CNTN4: variants seen among roughly 807,000 people sequenced by gnomAD.
The protein encoded by CNTN4 is contactin 4, also known as contactin-4.
CNTN4 carries 77 observed loss-of-function variants against 122.5 expected under a neutral mutation model. That is an observed-to-expected ratio of 0.63 (90% CI 0.52 to 0.76). The LOEUF (loss-of-function observed/expected upper bound fraction) is 0.76, where lower values mean the gene tolerates loss of function less well. CNTN4 is among the 30% of genes least tolerant of loss of function. The probability of loss-of-function intolerance (pLI) is 0.00; values close to 1 mark genes in which losing one functional copy is unlikely to be tolerated. For synonymous variants in CNTN4, 512 were observed against 447.0 expected (o/e 1.15, Z -1.83); for missense variants, 1,256 against 1,259.1 (o/e 1.00, Z 0.04).
chr3:2,297,240 A>G (rs1279932340), intron 2 of CNTN4, among the ~76,000 whole-genome samples: 1 of 152,198 alleles, frequency 6.6e-6, no homozygotes, highest in Non-Finnish European at 1.5e-5. Context: ...AATGCACAGA[A>G]AGCTTCGTAA....
intron 3 of CNTN4, among the ~76,000 whole-genome samples, chr3:2,383,894 C>G (rs2046131549): frequency 6.6e-6 from 1 of 151,890 alleles, no homozygotes; most frequent in Admixed American, 6.6e-5. Context: ...TCTAATAAAC[C>G]CATTGTAAAG....
chr3:2,800,588 C>G (rs2092324311), intron 6 of CNTN4, among the ~76,000 whole-genome samples: 1 of 152,138 alleles, frequency 6.6e-6, no homozygotes, highest in African/African-American at 2.4e-5. Flanking sequence ...AGCAATCATT[C>G]TGGTTGAAGA....
chr3:2,644,662 C>A (rs761041281), intron 4 of CNTN4, among the ~76,000 whole-genome samples: 61 of 150,414 alleles, frequency 4.1e-4, no homozygotes, highest in Non-Finnish European at 1.0e-4. Context: ...TCACCATGCC[C>A]TATAGGGTCT....
chr3:2,599,852 A>G (rs182341588), intron 4 of CNTN4, among the ~76,000 whole-genome samples: 114 of 152,214 alleles, frequency 7.5e-4, no homozygotes, highest in Middle Eastern at 3.4e-3. Flanking sequence ...GAATTGGATG[A>G]GGTTTTATGT....
intron 4 of CNTN4, among the ~76,000 whole-genome samples, chr3:2,690,626 G>A (rs1448970420): frequency 6.6e-6 from 1 of 152,078 alleles, no homozygotes; most frequent in Non-Finnish European, 1.5e-5. Context: ...GACAAAGCTT[G>A]TCTGCCTTAC....
intron 2 of CNTN4, among the ~76,000 whole-genome samples, chr3:2,333,979 A>G (rs1024375256): frequency 2.0e-5 from 3 of 152,200 alleles, no homozygotes; most frequent in African/African-American, 7.2e-5. Flanking sequence ...AAGTTAAGCA[A>G]AACAGGAGAA....
intron 6 of CNTN4, among the ~76,000 whole-genome samples, chr3:2,784,833 C>T (rs780181468): frequency 6.6e-6 from 1 of 152,136 alleles, no homozygotes; most frequent in Non-Finnish European, 1.5e-5. Flanking sequence ...AATTCAATAC[C>T]ATGGCTCATA....
intron 2 of CNTN4, among the ~76,000 whole-genome samples, chr3:2,336,649 G>T (rs1010813090): frequency 2.6e-5 from 4 of 152,070 alleles, no homozygotes; most frequent in Non-Finnish European, 5.9e-5. Context: ...GAAACCATAT[G>T]CCAGGCAAAA....
chr3:2,693,989 A>G (rs1031525432), intron 4 of CNTN4, among the ~76,000 whole-genome samples: 3 of 152,122 alleles, frequency 2.0e-5, no homozygotes, highest in Non-Finnish European at 2.9e-5. Flanking sequence ...TCTTCCCAGT[A>G]TAGTCCTAAT....
At chr3:2,458,607 G>A (rs2049086212) in intron 3 of CNTN4, among the ~76,000 whole-genome samples, 1 of 150,854 alleles carries the variant, frequency 6.6e-6, no homozygotes, top group African/African-American at 2.4e-5. Flanking sequence ...TTTCTAATGA[G>A]CCTTTCAAGA....
intron 4 of CNTN4, among the ~76,000 whole-genome samples, chr3:2,673,056 T>C (rs367721716): frequency 2.0e-5 from 3 of 152,232 alleles, no homozygotes; most frequent in African/African-American, 4.8e-5. Context: ...ATGGCAAGTA[T>C]GTTATTTTGC....
intron 3 of CNTN4, among the ~76,000 whole-genome samples, chr3:2,566,454 C>A (rs890326653): frequency 1.3e-5 from 2 of 152,176 alleles, no homozygotes; most frequent in African/African-American, 2.4e-5. Context: ...GGCAGGTCCA[C>A]AAGAGATGTT....
At chr3:2,957,783 T>TG (rs11425156) in intron 13 of CNTN4, among the ~76,000 whole-genome samples, 152,290 of 152,300 alleles carry the variant, frequency 1, 76,140 homozygotes, top group Middle Eastern at 1. Context: ...TTCTTTTATA[T>TG]GCCGCATAGT....
intron 13 of CNTN4, among the ~76,000 whole-genome samples, chr3:2,969,081 A>G (rs975964318): frequency 1.3e-5 from 2 of 152,182 alleles, no homozygotes; most frequent in South Asian, 2.1e-4. Context: ...CTCATTCTAC[A>G]TTATTTTCAT....
chr3:2,521,748 T>C (rs549663407), intron 3 of CNTN4, among the ~76,000 whole-genome samples: 5 of 152,244 alleles, frequency 3.3e-5, no homozygotes, highest in African/African-American at 1.2e-4. Context: ...CCCTTCGGAC[T>C]TCCCTTTGGT....
At chr3:2,701,496 A>G (rs938086143) in intron 4 of CNTN4, among the ~76,000 whole-genome samples, 3 of 152,222 alleles carry the variant, frequency 2.0e-5, no homozygotes, top group Admixed American at 1.3e-4. Flanking sequence ...TTGAGCTGCA[A>G]TTCAGAAGGT....
At chr3:2,726,943 T>C (rs1181945731) in intron 4 of CNTN4, among the ~76,000 whole-genome samples, 1 of 152,178 alleles carries the variant, frequency 6.6e-6, no homozygotes, top group East Asian at 1.9e-4. Context: ...GCAAACTCTC[T>C]GTGCTCTGCT....
intron 3 of CNTN4, among the ~76,000 whole-genome samples, chr3:2,492,316 G>C (rs2076340607): frequency 6.6e-6 from 1 of 152,148 alleles, no homozygotes; most frequent in African/African-American, 2.4e-5. Context: ...AAATTTCAGA[G>C]AGATTGGAGT....
intron 2 of CNTN4, among the ~76,000 whole-genome samples, chr3:2,256,392 A>G (rs567424216): frequency 3.2e-4 from 49 of 152,340 alleles, no homozygotes; most frequent in African/African-American, 1.1e-3. Context: ...TTCCTTCTGA[A>G]ACTATTCCAA....
Sources: allele counts gnomAD v4.1 joint callset (sites outside exome capture counted in the v4.1 genomes callset), GRCh38; gene constraint gnomAD v4.1.1; transcripts MANE v1.5; gene names NCBI Gene and HGNC (gene_info 2026-07-23, HGNC 2026-07-21).